Variants in ADK observed in about 807,000 individuals in gnomAD.
The protein encoded by ADK is N6,N6-dimethyladenosine kinase.
ADK carries 24 observed loss-of-function variants against 44.7 expected under a neutral mutation model. The ratio of observed to expected loss-of-function variants is 0.54; its 90% confidence interval spans 0.39 to 0.76. ADK has a LOEUF of 0.76. Ranked by LOEUF, ADK falls within the 30% of genes least tolerant of loss-of-function variation. ADK has a pLI of 0.00. For synonymous variants in ADK, 128 were observed against 142.6 expected, an observed-to-expected ratio of 0.90 and a Z score of 0.73; for missense variants, 321 against 425.1, an observed-to-expected ratio of 0.76 and a Z score of 2.15.
At chr10:74,578,027 C>T (rs1434784434) in intron 7 of ADK, among the ~76,000 whole-genome samples, 1 of 151,790 alleles carries the variant, frequency 6.6e-6, no homozygotes, top group Non-Finnish European at 1.5e-5. Flanking sequence ...TAGAGTAGCC[C>T]TGGAGGATGA....
intron 4 of ADK, among the ~76,000 whole-genome samples, chr10:74,367,544 G>T (rs1842532909): frequency 6.6e-6 from 1 of 152,308 alleles, no homozygotes; most frequent in Admixed American, 6.5e-5. Context: ...AGCTTTGCAT[G>T]TGTGAGTTTA....
intron 3 of ADK, among the ~76,000 whole-genome samples, chr10:74,259,456 C>CTTT (rs66533506): frequency 0.011 from 1,133 of 106,202 alleles, 55 homozygotes; most frequent in African/African-American, 0.038. Flanking sequence ...TTTTCTTTTC[C>CTTT]TTTTTTTTTT....
At chr10:74,347,310 C>T (rs1376868989) in intron 4 of ADK, among the ~76,000 whole-genome samples, 1 of 151,814 alleles carries the variant, frequency 6.6e-6, no homozygotes, top group African/African-American at 2.4e-5. Flanking sequence ...GGTATCACCT[C>T]ACCTGGGAGG....
At chr10:74,213,208 C>T (rs1297887112) in intron 2 of ADK, among the ~76,000 whole-genome samples, 7 of 152,054 alleles carry the variant, frequency 4.6e-5, no homozygotes, top group Admixed American at 6.6e-5. Flanking sequence ...CAGGCTTAAG[C>T]GATTCTCTTA....
At chr10:74,364,663 C>A (rs1163049485) in intron 4 of ADK, among the ~76,000 whole-genome samples, 1 of 148,144 alleles carries the variant, frequency 6.8e-6, no homozygotes, top group Non-Finnish European at 1.5e-5. Context: ...CCTTTCCTTT[C>A]CTTTATCTTT....
At chr10:74,401,947 T>G (rs1471580142) in intron 6 of ADK, among the ~76,000 whole-genome samples, 1 of 152,202 alleles carries the variant, frequency 6.6e-6, no homozygotes, top group Non-Finnish European at 1.5e-5. Flanking sequence ...GGTGACAAAA[T>G]CTCTCAGCAT....
At chr10:74,448,882 T>TA (rs528892869) in intron 6 of ADK, among the ~76,000 whole-genome samples, 7,087 of 148,562 alleles carry the variant, frequency 0.048, 535 homozygotes, top group African/African-American at 0.16. Flanking sequence ...CTGCCTTTTT[T>TA]AAAAAAAAAA....
chr10:74,552,037 GTTGGATTT>G (rs1377511496), intron 7 of ADK, among the ~76,000 whole-genome samples: 13 of 150,160 alleles, frequency 8.7e-5, no homozygotes. Flanking sequence ...ATTTTTTATT[GTTGGATTT>G]TTTTCATATT....
intron 9 of ADK, chr10:74,655,391 T>C (rs1854443031): frequency 4.2e-5 from 17 of 405,924 alleles, no homozygotes; most frequent in South Asian, 3.5e-4. Flanking sequence ...GAAGAAAGAG[T>C]TGGACGAAGA....
chr10:74,352,105 C>G (rs1443085013), intron 4 of ADK, among the ~76,000 whole-genome samples: 1 of 151,436 alleles, frequency 6.6e-6, no homozygotes, highest in African/African-American at 2.4e-5. Flanking sequence ...CAAAAAGGAG[C>G]CTGTGTAGCT....
chr10:74,708,295 T>C, intron 10 of ADK, 26 bp from the exon 11 acceptor site: 1 of 1,605,662 alleles, frequency 6.2e-7, no homozygotes, highest in Admixed American at 1.7e-5. Flanking sequence ...ACAATACTCA[T>C]GTGTTTTTTT....
intron 6 of ADK, among the ~76,000 whole-genome samples, chr10:74,443,176 CAAAA>C (rs951137540): frequency 6.6e-6 from 1 of 151,750 alleles, no homozygotes. Context: ...CTACCACACA[CAAAA>C]AAAGATAAAT....
chr10:74,188,440 C>T (rs2132109594), intron 1 of ADK, among the ~76,000 whole-genome samples: 1 of 149,122 alleles, frequency 6.7e-6, no homozygotes, highest in African/African-American at 2.5e-5. Context: ...GCTCCGCCTC[C>T]CGGGTTCACA....
chr10:74,267,826 G>A (rs975871738), intron 3 of ADK, among the ~76,000 whole-genome samples: 2 of 149,290 alleles, frequency 1.3e-5, no homozygotes, highest in African/African-American at 2.5e-5. Context: ...CTAAAAACAG[G>A]TGTAGGATTA....
intron 7 of ADK, among the ~76,000 whole-genome samples, chr10:74,547,050 A>G (rs530216988): frequency 6.6e-6 from 1 of 152,132 alleles, no homozygotes; most frequent in South Asian, 2.1e-4. Context: ...TATCATATTT[A>G]TTTTTATTCC....
At chr10:74,666,496 A>G (rs924415321) in intron 9 of ADK, among the ~76,000 whole-genome samples, 1 of 151,984 alleles carries the variant, frequency 6.6e-6, no homozygotes, top group African/African-American at 2.4e-5. Context: ...CTTTACAAAA[A>G]GTTTGTGAAG....
At chr10:74,347,200 T>C (rs12416580) in intron 4 of ADK, among the ~76,000 whole-genome samples, 96,853 of 143,898 alleles carry the variant, frequency 0.67, 32,654 homozygotes, top group Middle Eastern at 0.83. Context: ...ACACAGAAGG[T>C]GGGTGATTTC....
intron 6 of ADK, among the ~76,000 whole-genome samples, chr10:74,484,401 G>A (rs2133365196): frequency 6.6e-6 from 1 of 152,276 alleles, no homozygotes; most frequent in South Asian, 2.1e-4. Context: ...ACGTGATTCG[G>A]ATGGGAACAC....
intron 7 of ADK, among the ~76,000 whole-genome samples, chr10:74,581,437 G>A (rs1014820614): frequency 6.6e-6 from 1 of 152,178 alleles, no homozygotes; most frequent in Non-Finnish European, 1.5e-5. Context: ...ACTGTGAGCT[G>A]TGAGACAACT....
Sources: gnomAD v4.1 joint callset for allele counts (sites outside exome capture counted in the v4.1 genomes callset) on GRCh38, gnomAD v4.1.1 for gene constraint, MANE v1.5 for transcripts, NCBI Gene and HGNC (gene_info 2026-07-23, HGNC 2026-07-21) for gene names.